TMCC2: variants seen among roughly 807,000 people sequenced by gnomAD.
TMCC2 encodes the protein transmembrane and coiled-coil domains protein 2.
In TMCC2, 16 loss-of-function variants were observed where a neutral mutation model predicts 49.4. The ratio of observed to expected loss-of-function variants is 0.32; its 90% CI spans 0.22 to 0.49. The LOEUF (loss-of-function observed/expected upper bound fraction) is 0.49. Ranked by LOEUF, TMCC2 falls within the 20% of genes least tolerant of loss-of-function variation. The pLI is 0.99. For synonymous variants in TMCC2, 397 were observed against 434.1 expected, an observed-to-expected ratio of 0.91 and a Z score of 1.06; for missense variants, 762 against 989.8, an observed-to-expected ratio of 0.77 and a Z score of 3.09.
chr1:205,241,441 C>T lies in TMCC2; in HGVS notation c.208-64C>T, dbSNP rs1660258345. 1.3e-6 allele frequency: 2 copies of T among 1,540,232 alleles called. No homozygotes were observed. The highest frequency in any genetic ancestry group is 2.7e-5 in the African/African-American group (2 of 73,406). On this transcript the variant is annotated intron_variant, in intron 1 of 4. Coordinates refer to ENST00000358024, the MANE Select transcript of TMCC2 (RefSeq NM_014858.4). This position sits in a 1 kb window ranked among gnomAD's most constrained non-coding sequence, Gnocchi z 7.3. ...CAAGGACAGACCCTTCACCTTCACCCTCCTACTGACTAGGCAATCAAGAGC... is the reference window on the plus strand; with the variant it reads ...CAAGGACAGACCCTTCACCTTCACCTTCCTACTGACTAGGCAATCAAGAGC...
chr1:205,253,552 G>A (rs1268960364), intron 2 of TMCC2, among the ~76,000 whole-genome samples: 1 of 152,222 alleles, frequency 6.6e-6, no homozygotes, highest in South Asian at 2.1e-4. Context: ...CTGAGATGTG[G>A]CCTCCATCTC....
chr1:205,250,117 C>G (rs1660607619), intron 2 of TMCC2, among the ~76,000 whole-genome samples: 1 of 152,228 alleles, frequency 6.6e-6, no homozygotes, highest in Non-Finnish European at 1.5e-5. Flanking sequence ...ACCTAAAGCT[C>G]TGACACCAGA....
intron 1 of TMCC2, among the ~76,000 whole-genome samples, chr1:205,232,488 G>A (rs1397201133): frequency 1.3e-5 from 2 of 152,190 alleles, no homozygotes; most frequent in Non-Finnish European, 2.9e-5. Flanking sequence ...GTTGGGAGGA[G>A]ATGCTGGGGT....
intron 2 of TMCC2, among the ~76,000 whole-genome samples, chr1:205,248,438 G>A (rs1251609284): frequency 1.3e-5 from 2 of 152,122 alleles, no homozygotes; most frequent in African/African-American, 2.4e-5. Context: ...TCTCAGCCTC[G>A]CCATTCTGCT....
intron 2 of TMCC2, chr1:205,256,260 A>G (rs1318659362): frequency 6.5e-7 from 1 of 1,537,832 alleles, no homozygotes; most frequent in Non-Finnish European, 8.7e-7. Context: ...AGCTGCCATT[A>G]GAGAGATCCA....
At chr1:205,230,184 T>G in intron 1 of TMCC2, 1 of 985,148 alleles carries the variant, frequency 1.0e-6, no homozygotes, top group Non-Finnish European at 1.2e-6. Context: ...GTGTGTGTGC[T>G]CTTACCTGTG....
At chr1:205,244,834 G>A (rs1172139) in intron 2 of TMCC2, among the ~76,000 whole-genome samples, 40,589 of 151,912 alleles carry the variant, frequency 0.27, 7,154 homozygotes, top group Non-Finnish European at 0.39. Context: ...TGGAGAAAAG[G>A]AGATGGGGGT....
intron 2 of TMCC2, chr1:205,268,024 C>T (rs1025490199): frequency 7.1e-6 from 7 of 985,186 alleles, no homozygotes; most frequent in South Asian, 4.7e-5. Context: ...CATTATGAAG[C>T]GGAAAAGGTT....
chr1:205,242,919 G>A (rs1001049341), intron 2 of TMCC2, among the ~76,000 whole-genome samples: 1 of 152,220 alleles, frequency 6.6e-6, no homozygotes, highest in East Asian at 1.9e-4. Context: ...GGTGCTAGGG[G>A]CTACTGGGGG....
intron 2 of TMCC2, among the ~76,000 whole-genome samples, chr1:205,261,563 C>T (rs1252963980): frequency 6.6e-6 from 1 of 151,800 alleles, no homozygotes; most frequent in East Asian, 1.9e-4. Context: ...CCTGTGGCCC[C>T]AGCTACTTAG....
Position 205,228,518 on chromosome 1 carries a change from G to C in TMCC2, c.-47G>C, listed in dbSNP as rs1659657430. On this transcript the variant is annotated 5_prime_UTR_variant, in exon 1 of 5. Coordinates refer to ENST00000358024, the MANE Select transcript of TMCC2 (RefSeq NM_014858.4). ...TAAGAGGGGGTGCGGTCTTCCCCAAGACGGCGCGCTGGAAGGACAGATTCC... is the reference window on the plus strand; with the variant it reads ...TAAGAGGGGGTGCGGTCTTCCCCAACACGGCGCGCTGGAAGGACAGATTCC... The C allele has an allele frequency of 6.5e-7, 1 of 1,549,906 alleles. No homozygotes were observed. The highest frequency in any genetic ancestry group is 8.8e-7 in the Non-Finnish European group (1 of 1,139,504).
chr1:205,246,372 C>T (rs1456785628), intron 2 of TMCC2: 3 of 657,118 alleles, frequency 4.6e-6, no homozygotes, highest in Admixed American at 9.1e-5. Flanking sequence ...GGCTATTAAA[C>T]ATCCACGTGG....
At chr1:205,229,061 A>T in intron 1 of TMCC2, 2 of 1,253,996 alleles carry the variant, frequency 1.6e-6, no homozygotes, top group Non-Finnish European at 2.0e-6. Context: ...TCGCAGACAA[A>T]GGGCTGGAGA....
chr1:205,261,264 G>A (rs1251331147), intron 2 of TMCC2, among the ~76,000 whole-genome samples: 6 of 141,070 alleles, frequency 4.3e-5, no homozygotes, highest in Non-Finnish European at 9.0e-5. Flanking sequence ...GCAGTGGTGT[G>A]TGTGATCATA....
chr1:205,241,450 A>G lies in TMCC2; in HGVS notation c.208-55A>G. The G allele has an allele frequency of 6.4e-7, 1 of 1,571,806 alleles. No individual in the cohort carries two copies. Among genetic ancestry groups the G allele is most frequent in the Non-Finnish European group, 8.7e-7 (1 of 1,153,294 alleles). ...ACCCTTCACCTTCACCCTCCTACTG[A>G]CTAGGCAATCAAGAGCTTTCCACTC... On this transcript the variant is annotated intron_variant, in intron 1 of 4. Transcript: ENST00000358024. The surrounding 1 kb of genome is among the most constrained non-coding windows in gnomAD (Gnocchi z 7.3).
intron 1 of TMCC2, among the ~76,000 whole-genome samples, chr1:205,238,373 A>G (rs1033248018): frequency 6.6e-6 from 1 of 151,966 alleles, no homozygotes; most frequent in Non-Finnish European, 1.5e-5. Context: ...AGTGAGGAAA[A>G]ACCCCTTCAT....
In TMCC2 at chr1:205,236,205, C is replaced by T. The variant is rs116675499; in HGVS notation, c.208-5300C>T. Among the ~76,000 whole-genome samples, 1,504 of 152,310 alleles carry T rather than the reference C, an allele frequency of 9.9e-3. 31 individuals carry two copies. The highest frequency in any genetic ancestry group is 0.035 in the African/African-American group (1,436 of 41,566). On this transcript the variant is annotated intron_variant, in intron 1 of 4. Coordinates refer to ENST00000358024, the MANE Select transcript of TMCC2 (RefSeq NM_014858.4). The stretch of plus-strand genomic sequence containing the variant: ...AAGGACATGAGCCCCCTCCCAAGCC[C>T]TCCCTAAGCCATTTGTGAAGACATC...
At chr1:205,263,167 G>A (rs372027958) in intron 2 of TMCC2, among the ~76,000 whole-genome samples, 5 of 152,090 alleles carry the variant, frequency 3.3e-5, no homozygotes, top group African/African-American at 9.7e-5. Context: ...CCCTAAGCAC[G>A]AGACGGGGCT....
chr1:205,249,040 G>C lies in TMCC2; in HGVS notation c.747+6996G>C, dbSNP rs559032193. Among the ~76,000 whole-genome samples, 6 of 152,326 alleles carry C rather than the reference G, an allele frequency of 3.9e-5. No homozygotes were observed. The South Asian group carries it at 6.2e-4, about 16-fold the overall frequency. ...AGACTCTGTGGAGGTGCTGGGGACA[G>C]GAGGACTCTTATGACAGGCCCCACT... is the stretch of plus-strand genomic sequence containing the variant. On this transcript the variant is annotated intron_variant, in intron 2 of 4. Coordinates refer to ENST00000358024, the MANE Select transcript of TMCC2 (RefSeq NM_014858.4).
Sources: gnomAD v4.1 joint callset for allele counts (sites outside exome capture counted in the v4.1 genomes callset) on GRCh38, gnomAD v4.1.1 for gene constraint, Gnocchi (gnomAD v3.1) non-coding constraint, MANE v1.5 for transcripts, NCBI Gene and HGNC (gene_info 2026-07-23, HGNC 2026-07-21) for gene names.